Variants in NLGN1 observed in about 807,000 individuals in gnomAD.
NLGN1 encodes neuroligin 1.
In NLGN1, 12 loss-of-function variants were observed where a neutral mutation model predicts 65.5. That is an observed-to-expected ratio of 0.18 (90% CI 0.12 to 0.30). The LOEUF is 0.30. Among genes scored for constraint, NLGN1 ranks in the 10% least tolerant of loss-of-function variants. The pLI, the probability that NLGN1 is intolerant of heterozygous loss-of-function variation, is 1.00. For synonymous variants in NLGN1, 350 were observed against 359.5 expected, an observed-to-expected ratio of 0.97 and a Z score of 0.30; for missense variants, 750 against 1,007.1, an observed-to-expected ratio of 0.74 and a Z score of 3.46.
chr3:174,045,005 G>A (rs1045340570), intron 4 of NLGN1, among the ~76,000 whole-genome samples: 16 of 152,108 alleles, frequency 1.1e-4, no homozygotes, highest in Admixed American at 9.8e-4. Flanking sequence ...AGAATTGTGA[G>A]TCAATAAATT....
intron 2 of NLGN1, among the ~76,000 whole-genome samples, chr3:173,561,295 G>T (rs1347309902): frequency 1.3e-5 from 2 of 152,188 alleles, no homozygotes; most frequent in African/African-American, 2.4e-5. Flanking sequence ...TACTTCCAAA[G>T]CCTCTTGTCT....
chr3:173,475,507 C>T (rs1487370258), intron 2 of NLGN1, among the ~76,000 whole-genome samples: 1 of 152,116 alleles, frequency 6.6e-6, no homozygotes, highest in African/African-American at 2.4e-5. Flanking sequence ...TTAAAATCAG[C>T]TTGCCAAAAC....
At chr3:173,747,801 C>CTTCTTCTT (rs1775714048) in intron 3 of NLGN1, among the ~76,000 whole-genome samples, 15 of 64,424 alleles carry the variant, frequency 2.3e-4, no homozygotes, top group African/African-American at 6.8e-4. Flanking sequence ...TCTTCTTGTT[C>CTTCTTCTT]TTTTTTTTTT....
chr3:173,664,104 C>T (rs558825853), intron 3 of NLGN1, among the ~76,000 whole-genome samples: 2 of 152,006 alleles, frequency 1.3e-5, no homozygotes, highest in African/African-American at 4.8e-5. Flanking sequence ...ATGTGCTTCT[C>T]CAAAATATGA....
intron 2 of NLGN1, among the ~76,000 whole-genome samples, chr3:173,554,889 A>T (rs1246997041): frequency 6.6e-6 from 1 of 152,216 alleles, no homozygotes; most frequent in African/African-American, 2.4e-5. Context: ...GTGAGAGCTC[A>T]AATTGCTCCA....
chr3:173,929,016 C>T lies in NLGN1; in HGVS notation c.646+121184C>T, dbSNP rs139322394. Among the ~76,000 whole-genome samples the T allele has an allele frequency of 9.9e-4, 151 of 152,068 alleles. 1 individual carries two copies. The East Asian group carries it at 0.024, about 25-fold the overall frequency. Reference sequence around the variant, plus strand: ...GGATGAAAATTTAAAAAGGAAAGGTCGATTATTATAAATCCTATTCTTGTA... The same window carrying T: ...GGATGAAAATTTAAAAAGGAAAGGTTGATTATTATAAATCCTATTCTTGTA... On this transcript the variant is annotated intron_variant, in intron 4 of 6. Coordinates refer to ENST00000457714, the Ensembl canonical transcript of NLGN1.
chr3:173,982,856 T>G (rs1719067564), intron 4 of NLGN1, among the ~76,000 whole-genome samples: 1 of 152,158 alleles, frequency 6.6e-6, no homozygotes, highest in Non-Finnish European at 1.5e-5. Flanking sequence ...CTAAAAAAGT[T>G]TTGTTGTGTG....
intron 4 of NLGN1, among the ~76,000 whole-genome samples, 163 bp downstream of exon 4, chr3:173,807,995 G>T (rs934756903): frequency 3.3e-5 from 5 of 152,028 alleles, no homozygotes; most frequent in African/African-American, 1.2e-4. Context: ...TCTATAGGTT[G>T]GTTTTAAGAT....
intron 4 of NLGN1, among the ~76,000 whole-genome samples, chr3:173,983,646 A>G (rs1378541358): frequency 6.6e-6 from 1 of 151,994 alleles, no homozygotes; most frequent in East Asian, 1.9e-4. Flanking sequence ...GTATGTCTCC[A>G]TTAGAAAGCC....
chr3:173,475,033 T>A (rs994710562), intron 2 of NLGN1, among the ~76,000 whole-genome samples: 3 of 152,198 alleles, frequency 2.0e-5, no homozygotes, highest in African/African-American at 7.2e-5. Context: ...TATGAAATTT[T>A]ATGCAATCTA....
chr3:173,823,874 G>A (rs1007775523), intron 4 of NLGN1, among the ~76,000 whole-genome samples: 1 of 150,860 alleles, frequency 6.6e-6, no homozygotes, highest in Non-Finnish European at 1.5e-5. Flanking sequence ...TAGAAATTTT[G>A]AAGATTAATG....
intron 4 of NLGN1, among the ~76,000 whole-genome samples, chr3:173,955,308 TTCTC>T (rs1486862419): frequency 6.6e-6 from 1 of 152,154 alleles, no homozygotes. Context: ...ATTAATACTG[TTCTC>T]TCTCAGGGAG....
At chr3:173,762,738 C>A (rs889179206) in intron 3 of NLGN1, among the ~76,000 whole-genome samples, 1 of 151,962 alleles carries the variant, frequency 6.6e-6, no homozygotes, top group Non-Finnish European at 1.5e-5. Context: ...GTAACTTAGA[C>A]ATGGAAAGTG....
chr3:174,022,410 A>G (rs577647694), intron 4 of NLGN1, among the ~76,000 whole-genome samples: 2 of 152,280 alleles, frequency 1.3e-5, no homozygotes, highest in East Asian at 3.9e-4. Context: ...TTGCCAAGAC[A>G]GCATTTATGG....
At chr3:173,827,868 C>T (rs1462288488) in intron 4 of NLGN1, among the ~76,000 whole-genome samples, 1 of 150,970 alleles carries the variant, frequency 6.6e-6, no homozygotes, top group African/African-American at 2.4e-5. Context: ...CCTTTCTCTG[C>T]CTTTTTACTC....
intron 3 of NLGN1, among the ~76,000 whole-genome samples, chr3:173,704,375 C>T (rs1462453354): frequency 6.6e-6 from 1 of 151,898 alleles, no homozygotes; most frequent in Non-Finnish European, 1.5e-5. Flanking sequence ...GATTTTTTTT[C>T]AACCAGAATA....
intron 4 of NLGN1, among the ~76,000 whole-genome samples, chr3:173,935,377 G>T (rs748353682): frequency 1.3e-5 from 2 of 151,942 alleles, no homozygotes; most frequent in Non-Finnish European, 2.9e-5. Flanking sequence ...CTTGTAATGA[G>T]AATTAATAAA....
At chr3:173,434,178 A>G (rs1274740551) in intron 1 of NLGN1, among the ~76,000 whole-genome samples, 1 of 152,180 alleles carries the variant, frequency 6.6e-6, no homozygotes, top group Non-Finnish European at 1.5e-5. Context: ...TATATCAGAT[A>G]ATGTTTAGAC....
At chr3:174,196,240 T>A (rs969326515) in intron 4 of NLGN1, among the ~76,000 whole-genome samples, 36 of 152,194 alleles carry the variant, frequency 2.4e-4, no homozygotes, top group Non-Finnish European at 4.1e-4. Context: ...ATACTCAGTT[T>A]TTAGCCTCAG....
Sources: gnomAD v4.1 joint callset for allele counts (sites outside exome capture counted in the v4.1 genomes callset) on GRCh38, gnomAD v4.1.1 for gene constraint, MANE v1.5 for transcripts, NCBI Gene and HGNC (gene_info 2026-07-23, HGNC 2026-07-21) for gene names.